MACROD2: variants seen among roughly 807,000 people sequenced by gnomAD.
MACROD2 encodes the protein mono-ADP ribosylhydrolase 2.
MACROD2 carries 36 observed loss-of-function variants against 70.4 expected under a neutral mutation model. The ratio of observed to expected loss-of-function variants is 0.51; its 90% CI spans 0.39 to 0.68. MACROD2 has a LOEUF of 0.68. MACROD2 is among the 30% of genes least tolerant of loss of function. The probability of loss-of-function intolerance (pLI) is 0.00; values close to 1 mark genes in which losing one functional copy is unlikely to be tolerated. For synonymous variants in MACROD2, 172 were observed against 178.8 expected (o/e 0.96, Z 0.30); for missense variants, 496 against 538.4 (o/e 0.92, Z 0.78).
intron 3 of MACROD2, among the ~76,000 whole-genome samples, chr20:14,453,699 G>T (rs1217769360): frequency 6.6e-6 from 1 of 151,928 alleles, no homozygotes; most frequent in Non-Finnish European, 1.5e-5. Flanking sequence ...CTTAGAACTT[G>T]ATAAAAATTT....
intron 12 of MACROD2, among the ~76,000 whole-genome samples, chr20:15,944,052 A>T (rs1176797585): frequency 6.6e-6 from 1 of 152,060 alleles, no homozygotes; most frequent in Non-Finnish European, 1.5e-5. Flanking sequence ...TTATCCCACA[A>T]TTTACATAGC....
intron 8 of MACROD2, among the ~76,000 whole-genome samples, chr20:15,689,983 G>C (rs1018660979): frequency 2.0e-5 from 3 of 152,194 alleles, no homozygotes; most frequent in African/African-American, 7.2e-5. Context: ...CAGGCTGTGA[G>C]AATCAGCTCG....
In MACROD2 at chr20:14,819,257, C is replaced by T. The variant is rs761398098; in HGVS notation, c.418+134298C>T. ...CCCCAGCCTGGGTGACAGAGCAAGACTCTGCCTCAAAAACAACAAAAAACA... is the reference window on the plus strand; with the variant it reads ...CCCCAGCCTGGGTGACAGAGCAAGATTCTGCCTCAAAAACAACAAAAAACA... On this transcript the variant is annotated intron_variant, in intron 5 of 17. Coordinates refer to ENST00000684519, the MANE Select transcript of MACROD2 (RefSeq NM_001351661.2). 4.0e-4 allele frequency among the ~76,000 whole-genome samples: 60 copies of T among 151,632 alleles called. 4 individuals are homozygous for T. Among genetic ancestry groups the T allele is most frequent in the Non-Finnish European group, 7.8e-4 (53 of 67,900 alleles).
chr20:15,872,845 C>T (rs543265885), intron 9 of MACROD2, among the ~76,000 whole-genome samples: 1 of 152,172 alleles, frequency 6.6e-6, no homozygotes, highest in African/African-American at 2.4e-5. Flanking sequence ...TCCTTCTGAT[C>T]TTTAGAAATG....
chr20:14,472,667 A>G (rs992801088), intron 3 of MACROD2, among the ~76,000 whole-genome samples: 2 of 152,238 alleles, frequency 1.3e-5, no homozygotes, highest in African/African-American at 4.8e-5. Context: ...AAGAAGGACT[A>G]TCTAATTGTG....
chr20:15,787,297 A>G lies in MACROD2; in HGVS notation c.646-75448A>G, dbSNP rs563353139. Among the ~76,000 whole-genome samples the G allele has an allele frequency of 1.4e-3, 218 of 152,254 alleles. 7 individuals are homozygous for G. In the South Asian group the frequency reaches 0.043, roughly 30 times the overall value. On this transcript the variant is annotated intron_variant, in intron 8 of 17. Coordinates refer to ENST00000684519, the MANE Select transcript of MACROD2 (RefSeq NM_001351661.2). The stretch of plus-strand genomic sequence containing the variant: ...TTGGCATACATAGTTTTATGTATAT[A>G]CTTATTTATTTTTTATTTCAACTTG...
At chr20:15,292,796 GTT>G (rs369554216) in intron 6 of MACROD2, among the ~76,000 whole-genome samples, 16 of 151,988 alleles carry the variant, frequency 1.1e-4, no homozygotes, top group South Asian at 2.1e-4. Flanking sequence ...TATAATGACT[GTT>G]TTTTCTTGGT....
At chr20:15,688,582 C>T (rs762535251) in intron 8 of MACROD2, among the ~76,000 whole-genome samples, 14 of 152,126 alleles carry the variant, frequency 9.2e-5, no homozygotes, top group Non-Finnish European at 2.1e-4. Flanking sequence ...ATATTGAATG[C>T]CATAGATTTG....
chr20:15,769,422 C>T (rs1245815353), intron 8 of MACROD2, among the ~76,000 whole-genome samples: 3 of 152,232 alleles, frequency 2.0e-5, no homozygotes, highest in Non-Finnish European at 4.4e-5. Context: ...GCTGGGATTA[C>T]AGGTGTGAGC....
At chr20:14,552,716 T>C (rs1978740392) in intron 4 of MACROD2, among the ~76,000 whole-genome samples, 2 of 152,158 alleles carry the variant, frequency 1.3e-5, no homozygotes, top group Non-Finnish European at 2.9e-5. Context: ...TAGTGAATAC[T>C]GTAGGCAATT....
At chr20:14,642,196 T>C (rs998633198) in intron 4 of MACROD2, among the ~76,000 whole-genome samples, 10 of 152,342 alleles carry the variant, frequency 6.6e-5, no homozygotes, top group African/African-American at 2.2e-4. Context: ...AGCTTCCAAC[T>C]TTTCTCTTCC....
chr20:14,379,081 A>G (rs894499088), intron 3 of MACROD2, among the ~76,000 whole-genome samples: 1 of 152,202 alleles, frequency 6.6e-6, no homozygotes, highest in Non-Finnish European at 1.5e-5. Context: ...GTACTTGACT[A>G]AGTACTTTAG....
intron 6 of MACROD2, among the ~76,000 whole-genome samples, chr20:15,341,412 C>T (rs2078108921): frequency 6.6e-6 from 1 of 151,964 alleles, no homozygotes; most frequent in Admixed American, 6.6e-5. Flanking sequence ...TTTTGATAAG[C>T]CAAAGACTAC....
intron 5 of MACROD2, among the ~76,000 whole-genome samples, chr20:15,188,155 C>A (rs2076545958): frequency 6.6e-6 from 1 of 152,074 alleles, no homozygotes; most frequent in South Asian, 2.1e-4. Context: ...TAAATTATTC[C>A]AGTCTTATTT....
chr20:15,368,592 G>C (rs747434392), intron 6 of MACROD2, among the ~76,000 whole-genome samples: 5 of 151,700 alleles, frequency 3.3e-5, no homozygotes, highest in Admixed American at 6.6e-5. Flanking sequence ...CTCCGGAGTA[G>C]CTGGGATTAC....
At position 15,310,140 on chromosome 20, in the gene MACROD2, T is replaced by C. The variant is rs769834343; in HGVS notation, c.540+80079T>C. Among the ~76,000 whole-genome samples, 5 of 152,344 alleles carry C rather than the reference T, an allele frequency of 3.3e-5. No homozygotes were observed. In the South Asian group the frequency reaches 1.0e-3, roughly 32 times the overall value. On this transcript the variant is annotated intron_variant, in intron 6 of 17. Coordinates refer to ENST00000684519, the MANE Select transcript of MACROD2 (RefSeq NM_001351661.2). ...GATAATACTCATTTCTCAGGGTTGT[T>C]GTACAGATTCAATGGGAATATTTAT...
chr20:15,867,355 A>G (rs935299899), intron 9 of MACROD2, among the ~76,000 whole-genome samples: 66 of 152,326 alleles, frequency 4.3e-4, no homozygotes, highest in African/African-American at 1.5e-3. Context: ...AGGGAAAGAA[A>G]CCAGCATCGA....
intron 5 of MACROD2, among the ~76,000 whole-genome samples, chr20:14,959,417 G>C (rs111820078): frequency 2.0e-5 from 3 of 151,976 alleles, no homozygotes; most frequent in African/African-American, 7.3e-5. Flanking sequence ...GGCATGAGCC[G>C]CCGCACCCAA....
intron 8 of MACROD2, among the ~76,000 whole-genome samples, chr20:15,526,594 A>G (rs887918376): frequency 6.6e-5 from 10 of 152,182 alleles, no homozygotes; most frequent in Non-Finnish European, 1.3e-4. Context: ...AATGATTCTG[A>G]TTTGACTTTT....
Sources: allele counts gnomAD v4.1 joint callset (sites outside exome capture counted in the v4.1 genomes callset), GRCh38; gene constraint gnomAD v4.1.1; transcripts MANE v1.5; gene names NCBI Gene and HGNC (gene_info 2026-07-23, HGNC 2026-07-21).